The following ZBTB34 variants were observed in gnomAD, a reference collection of about 807,000 sequenced individuals.
ZBTB34 encodes the protein zinc finger and BTB domain containing 34.
Under a neutral mutation model 33.4 loss-of-function variants are expected in ZBTB34, and 1 was observed. The observed-to-expected ratio is 0.03, with a 90% confidence interval of 0.01 to 0.14. The LOEUF is 0.14. Among genes scored for constraint, ZBTB34 ranks in the 10% least tolerant of loss-of-function variants. ZBTB34 has a pLI of 1.00. For synonymous variants in ZBTB34, 283 were observed against 253.5 expected (o/e 1.12, Z -1.11); for missense variants, 406 against 657.2 (o/e 0.62, Z 4.18).
At chr9:126,871,507 C>T (rs1014282829) in intron 1 of ZBTB34, among the ~76,000 whole-genome samples, 12 of 151,676 alleles carry the variant, frequency 7.9e-5, no homozygotes, top group Admixed American at 5.9e-4. Context: ...GAATTACAGG[C>T]GCGTGCCACC....
exon 2 of ZBTB34, chr9:126,882,698 C>T (rs1588393480): frequency 6.0e-6 from 1 of 167,076 alleles, no homozygotes; most frequent in East Asian, 1.9e-4. Context: ...AAGGACCAGC[C>T]TCAGAGGCTA....
intron 1 of ZBTB34, among the ~76,000 whole-genome samples, chr9:126,867,649 A>T (rs1464640888): frequency 1.3e-5 from 2 of 151,446 alleles, no homozygotes; most frequent in Non-Finnish European, 2.9e-5. Context: ...ATGTACTTTT[A>T]CGTTGTCGAA....
At chr9:126,861,233 C>A (rs1054929807) in intron 1 of ZBTB34, among the ~76,000 whole-genome samples, 15 of 152,308 alleles carry the variant, frequency 9.8e-5, no homozygotes, top group African/African-American at 3.1e-4. Context: ...CCGCCTTCCT[C>A]CAGGTAAACA....
At chr9:126,882,301 G>A (rs1339514838) in exon 2 of ZBTB34, 1 of 167,112 alleles carries the variant, frequency 6.0e-6, no homozygotes, top group Non-Finnish European at 1.5e-5. Flanking sequence ...TGTAGAAAAT[G>A]TGAAATCTGA....
intron 1 of ZBTB34, among the ~76,000 whole-genome samples, chr9:126,868,543 G>A (rs562851225): frequency 2.2e-4 from 34 of 152,264 alleles, no homozygotes; most frequent in African/African-American, 7.9e-4. Context: ...ACTCCACAGC[G>A]TGTGTTCATT....
chr9:126,870,703 G>T (rs1004174134), intron 1 of ZBTB34, among the ~76,000 whole-genome samples: 3 of 152,196 alleles, frequency 2.0e-5, no homozygotes, highest in Non-Finnish European at 4.4e-5. Flanking sequence ...GAGGTGGGTG[G>T]ATCATCTGAG....
intron 1 of ZBTB34, among the ~76,000 whole-genome samples, chr9:126,863,012 G>T (rs2033161315): frequency 6.6e-6 from 1 of 151,648 alleles, no homozygotes; most frequent in Non-Finnish European, 1.5e-5. Flanking sequence ...TTTTCAGCTT[G>T]CTCTCTTAGG....
chr9:126,880,083 A>G lies in ZBTB34; in HGVS notation c.684A>G (p.Leu228=), dbSNP rs369393984. ...AGGGAGACCATGAGCAAGGAGACCT[A>G]TTGGTGAGGGAGAGCCAGATCACCG... The change falls in exon 2 of 2, where the codon CTA becomes CTG. Residue 228 remains leucine (L), a synonymous_variant. Coordinates refer to ENST00000319119, the Ensembl canonical transcript of ZBTB34. The surrounding 1 kb of genome is among the most constrained non-coding windows in gnomAD (Gnocchi z 6.7). 3.1e-6 allele frequency: 5 copies of G among 1,613,588 alleles called. No homozygotes were observed. Among genetic ancestry groups the G allele is most frequent in the African/African-American group, 2.7e-5 (2 of 74,916 alleles).
chr9:126,879,645 T>C lies in ZBTB34; in HGVS notation c.246T>C (p.Asn82=), dbSNP rs1325066861. ...CAATATCAGTGATTAAAAATCCCAATGTGTTTGAGCAGTTGCTTTCTTTTT... is the reference window on the plus strand; with the variant it reads ...CAATATCAGTGATTAAAAATCCCAACGTGTTTGAGCAGTTGCTTTCTTTTT... The change falls in exon 2 of 2, where the codon AAT becomes AAC. Residue 82 remains asparagine (N), a synonymous_variant. Coordinates refer to ENST00000319119, the Ensembl canonical transcript of ZBTB34. The surrounding 1 kb of genome is among the most constrained non-coding windows in gnomAD (Gnocchi z 6.4). 5 of 1,613,726 alleles carry C rather than the reference T, an allele frequency of 3.1e-6. No homozygotes were observed. In the African/African-American group the frequency reaches 6.7e-5, roughly 22 times the overall value.
At chr9:126,869,382 C>T (rs1377574022) in intron 1 of ZBTB34, among the ~76,000 whole-genome samples, 1 of 152,016 alleles carries the variant, frequency 6.6e-6, no homozygotes, top group Non-Finnish European at 1.5e-5. Context: ...GTCATTGTAC[C>T]TGCCTTAAGG....
Position 126,881,017 on chromosome 9 carries a change from G to T in ZBTB34, c.*103G>T, listed in dbSNP as rs10819246. 0.11 allele frequency: 146,963 copies of T among 1,316,352 alleles called. 10,979 individuals carry two copies. Among genetic ancestry groups the T allele is most frequent in the East Asian group, 0.41 (16,347 of 40,142 alleles). 81.5% of individuals were successfully genotyped at this position (1,316,352 alleles called of 1,614,324 possible). On this transcript the variant is annotated 3_prime_UTR_variant, in exon 2 of 2. Transcript: ENST00000319119. The stretch of plus-strand genomic sequence containing the variant: ...TTCCCAACCATCTGGAAATCTCTTG[G>T]TCTCTTGGCAGTTTTTCTAAAGTTT...
chr9:126,869,198 C>A (rs2033247271), intron 1 of ZBTB34, among the ~76,000 whole-genome samples: 1 of 132,280 alleles, frequency 7.6e-6, no homozygotes, highest in Non-Finnish European at 1.6e-5. Flanking sequence ...CACCCCCACC[C>A]CCCACCCCAT....
In ZBTB34 at chr9:126,879,303, T is replaced by C; in HGVS notation, c.-10-87T>C. On this transcript the variant is annotated intron_variant, in intron 1 of 1. Transcript: ENST00000319119. The surrounding 1 kb of genome is among the most constrained non-coding windows in gnomAD (Gnocchi z 6.4). ...ATTTTAGGAGGTATGATAGCCACAA[T>C]GGTATTGTTGTTGTAAGCTTGTGTT... The C allele has an allele frequency of 1.9e-6, 2 of 1,065,698 alleles. No individual in the cohort carries two copies. Among genetic ancestry groups the C allele is most frequent in the South Asian group, 1.6e-5 (1 of 62,544 alleles). The allele number at this position is 1,065,698 out of a possible 1,614,324, so 66.0% of individuals were successfully genotyped here. A position where few individuals can be genotyped will look rare whatever the true frequency, so the allele number is the denominator to read the frequency against.
Position 126,869,621 on chromosome 9 carries a change from C to T in ZBTB34, c.-11+8882C>T, listed in dbSNP as rs117543020. On this transcript the variant is annotated intron_variant, in intron 1 of 1. Coordinates refer to ENST00000319119, the Ensembl canonical transcript of ZBTB34. The stretch of plus-strand genomic sequence containing the variant: ...TGGGTGCCTGGAAGTAGGAGAATGT[C>T]GGTCCTGCCCACATCAGAGGTGGTC... Among the ~76,000 whole-genome samples the T allele has an allele frequency of 6.2e-3, 951 of 152,238 alleles. 38 individuals are homozygous for T. In the East Asian group the frequency reaches 0.1, roughly 16 times the overall value.
chr9:126,880,674 C>T lies in ZBTB34; in HGVS notation c.1275C>T (p.Gly425=), dbSNP rs1216300059. 1 of 1,613,794 alleles carries T rather than the reference C, an allele frequency of 6.2e-7. No individual in the cohort carries two copies. Among genetic ancestry groups the T allele is most frequent in the Non-Finnish European group, 8.5e-7 (1 of 1,179,896 alleles). ...ACCAACTGGAGTACCACATCCGGGG[C>T]CATACAGATGATAAACCATTCCGCT... Residue 425 remains glycine (G), a synonymous_variant, in exon 2 of 2, where the codon GGC becomes GGT. Coordinates refer to ENST00000319119, the Ensembl canonical transcript of ZBTB34. This position sits in a 1 kb window ranked among gnomAD's most constrained non-coding sequence, Gnocchi z 6.7.
At chr9:126,875,673 G>A (rs1184002355) in intron 1 of ZBTB34, among the ~76,000 whole-genome samples, 1 of 152,090 alleles carries the variant, frequency 6.6e-6, no homozygotes, top group Non-Finnish European at 1.5e-5. Flanking sequence ...CTACTTAGTA[G>A]ATGCCTATTC....
exon 1 of ZBTB34, chr9:126,860,682 C>CCGG (rs1047420741): frequency 2.5e-4 from 37 of 146,466 alleles, no homozygotes; most frequent in Admixed American, 1.9e-3. Context: ...TGGCCTGGCG[C>CCGG]CGGCGGCGGC....
chr9:126,864,191 A>C (rs1320919335), intron 1 of ZBTB34, among the ~76,000 whole-genome samples: 1 of 152,212 alleles, frequency 6.6e-6, no homozygotes, highest in Non-Finnish European at 1.5e-5. Context: ...TGACAAATCT[A>C]GGTCCAAATC....
rs576687957 is a variant in ZBTB34, at chr9:126,863,316, C to G, written c.-11+2577C>G. Among the ~76,000 whole-genome samples the G allele has an allele frequency of 3.3e-5, 5 of 152,326 alleles. No individual in the cohort carries two copies. The South Asian group carries it at 6.2e-4, about 19-fold the overall frequency. On this transcript the variant is annotated intron_variant, in intron 1 of 1. Coordinates refer to ENST00000319119, the Ensembl canonical transcript of ZBTB34. ...TAGAAAAATGTGCAGCACCTAGTAA[C>G]TGCTTAGTACATTTTCATTATTGTT...
Sources: gnomAD v4.1 joint callset for allele counts (sites outside exome capture counted in the v4.1 genomes callset) on GRCh38, gnomAD v4.1.1 for gene constraint, Gnocchi (gnomAD v3.1) non-coding constraint, MANE v1.5 for transcripts, NCBI Gene and HGNC (gene_info 2026-07-23, HGNC 2026-07-21) for gene names.